Variants in TRAF3IP1 observed in about 807,000 individuals in gnomAD.
TRAF3IP1 encodes TRAF3-interacting protein 1.
TRAF3IP1 carries 53 observed loss-of-function variants against 89.9 expected under a neutral mutation model. That is an observed-to-expected ratio of 0.59 (90% CI 0.47 to 0.74). The LOEUF (loss-of-function observed/expected upper bound fraction) is 0.74. Ranked by LOEUF, TRAF3IP1 falls within the 30% of genes least tolerant of loss-of-function variation. The probability of loss-of-function intolerance (pLI) is 0.00; values close to 1 mark genes in which losing one functional copy is unlikely to be tolerated. For synonymous variants in TRAF3IP1, 311 were observed against 322.1 expected, an observed-to-expected ratio of 0.97 and a Z score of 0.37; for missense variants, 806 against 866.1, an observed-to-expected ratio of 0.93 and a Z score of 0.87.
At chr2:238,341,741 A>C (rs1222718206) in intron 8 of TRAF3IP1, among the ~76,000 whole-genome samples, 1 of 152,118 alleles carries the variant, frequency 6.6e-6, no homozygotes, top group Non-Finnish European at 1.5e-5. Flanking sequence ...ACAAGATCTC[A>C]TTTGACTCAG....
intron 13 of TRAF3IP1, 77 bp from the exon 14 acceptor site, chr2:238,353,096 T>C (rs755748345): frequency 5.7e-6 from 9 of 1,585,536 alleles, no homozygotes; most frequent in Non-Finnish European, 6.9e-6. Context: ...TTGTTCTTTT[T>C]TTGAGATCCA....
Position 238,347,478 on chromosome 2 carries a change from G to A in TRAF3IP1, c.1282+3G>A, listed in dbSNP as rs781019442. On this transcript the variant is annotated splice_donor_region_variant and intron_variant, in intron 10 of 16. Transcript: ENST00000373327. ...AGGTGACTCCACCAGTGATGCAGGT[G>A]AGGAATGGCCTTAGATACCTGTGTG... The A allele has an allele frequency of 1.2e-6, 2 of 1,614,114 alleles. No homozygotes were observed. The highest frequency in any genetic ancestry group is 1.7e-6 in the Non-Finnish European group (2 of 1,180,010).
In TRAF3IP1 at chr2:238,358,594, G is replaced by A. The variant is rs148331990; in HGVS notation, c.1689+2514G>A. 9.8e-4 allele frequency among the ~76,000 whole-genome samples: 150 copies of A among 152,292 alleles called. 1 individual carries two copies. The highest frequency in any genetic ancestry group is 3.6e-3 in the Admixed American group (55 of 15,298). On this transcript the variant is annotated intron_variant, in intron 15 of 16. Transcript: ENST00000373327. ...CCCCCTGCCCCAGTCCTGTTCCCCC[G>A]AGGGCAGTCCCCAGGATGAACTTGG... is the stretch of plus-strand genomic sequence containing the variant.
At chr2:238,349,889 G>A (rs1251861449) in intron 12 of TRAF3IP1, among the ~76,000 whole-genome samples, 1 of 152,154 alleles carries the variant, frequency 6.6e-6, no homozygotes, top group Non-Finnish European at 1.5e-5. Flanking sequence ...GGCCAATGTG[G>A]TGAAACCCCC....
In TRAF3IP1 at chr2:238,400,492, T is replaced by C. The variant is rs1405942833; in HGVS notation, c.*1573T>C. ...CTGTACTCAGGTTGTTATATGATTT[T>C]CTGAGCTGAATAAGTTCAGGAGCAG... On this transcript the variant is annotated 3_prime_UTR_variant, in exon 17 of 17. Transcript: ENST00000373327. The C allele has an allele frequency of 6.6e-6, 1 of 152,242 alleles. No individual in the cohort carries two copies. The highest frequency in any genetic ancestry group is 2.4e-5 in the African/African-American group (1 of 41,460). 9.4% of individuals were successfully genotyped at this position (152,242 alleles called of 1,614,324 possible).
In TRAF3IP1 at chr2:238,332,855, T is replaced by G; in HGVS notation, c.947T>G (p.Leu316Ter). 2 of 1,613,530 alleles carry G rather than the reference T, an allele frequency of 1.2e-6. No homozygotes were observed. Among genetic ancestry groups the G allele is most frequent in the Non-Finnish European group, 1.7e-6 (2 of 1,179,632 alleles). The change falls in exon 6 of 17, where the codon TTA becomes TGA. Residue 316 changes from leucine (L) to a stop codon, truncating the protein, a stop_gained. Transcript: ENST00000373327. LOFTEE classifies it high-confidence loss of function. ...SASSGEMSKKLSDGTFKDSKA... is the reference protein window; with the variant it reads ...SASSGEMSKK ...AGCTCAGGGGAGATGTCTAAAAAGTTATCAGATGGAACTTTTAAAGACTCC... is the reference window on the plus strand; with the variant it reads ...AGCTCAGGGGAGATGTCTAAAAAGTGATCAGATGGAACTTTTAAAGACTCC...
chr2:238,378,529 A>C (rs558623700), intron 15 of TRAF3IP1, among the ~76,000 whole-genome samples: 4 of 152,342 alleles, frequency 2.6e-5, no homozygotes, highest in Non-Finnish European at 4.4e-5. Context: ...TCTATTATTT[A>C]CCCAATATAA....
rs776659445 is a variant in TRAF3IP1, at chr2:238,334,054, A to G, written c.1063+19A>G. On this transcript the variant is annotated intron_variant, in intron 7 of 16. Transcript: ENST00000373327. ...GTGGAAGGTACTGCAAAACTTATAT[A>G]TGTAGCTGAAAATATGGATATTAGT... 15 of 1,566,220 alleles carry G rather than the reference A, an allele frequency of 9.6e-6. 1 individual carries two copies. The highest frequency in any genetic ancestry group is 1.7e-4 in the Middle Eastern group (1 of 5,934).
chr2:238,343,811 T>C (rs6754014), intron 8 of TRAF3IP1, among the ~76,000 whole-genome samples: 108,759 of 151,802 alleles, frequency 0.72, 39,122 homozygotes, highest in Middle Eastern at 0.77. Flanking sequence ...GTAACCATGC[T>C]TGGCTAGCTT....
At chr2:238,389,967 C>G (rs541308658) in intron 15 of TRAF3IP1, among the ~76,000 whole-genome samples, 12 of 152,066 alleles carry the variant, frequency 7.9e-5, no homozygotes, top group African/African-American at 2.7e-4. Context: ...AATAACTGTT[C>G]GCTTGAGAAA....
At chr2:238,349,303 G>C in intron 11 of TRAF3IP1, 22 bp from the exon 12 acceptor site, 1 of 1,609,116 alleles carries the variant, frequency 6.2e-7, no homozygotes, top group Non-Finnish European at 8.5e-7. Flanking sequence ...TCCTTTTTTG[G>C]TTTTCCAATA....
intron 9 of TRAF3IP1, 83 bp downstream of exon 9, chr2:238,344,681 G>A (rs766511114): frequency 1.4e-5 from 17 of 1,220,282 alleles, no homozygotes; most frequent in South Asian, 9.8e-5. Context: ...CCGCAGCCCA[G>A]AGCCCGAGGT....
intron 15 of TRAF3IP1, among the ~76,000 whole-genome samples, chr2:238,381,063 G>A (rs780983626): frequency 6.6e-6 from 1 of 150,606 alleles, no homozygotes; most frequent in Non-Finnish European, 1.5e-5. Flanking sequence ...TTACAGAATA[G>A]CAACTATTTT....
chr2:238,370,010 C>T (rs1700040020), intron 15 of TRAF3IP1, among the ~76,000 whole-genome samples: 1 of 152,176 alleles, frequency 6.6e-6, no homozygotes. Flanking sequence ...CTGGCTCATC[C>T]TGTTCTTTCC....
At position 238,320,896 on chromosome 2, in the gene TRAF3IP1, GC is replaced by G. The variant is rs1439584978; in HGVS notation, c.123+112del. On this transcript the variant is annotated intron_variant, in intron 1 of 16. Transcript: ENST00000373327. Reference sequence around the variant, plus strand: ...GTGCGAGCCGGGCTCGGGCTCAGGTGCGGGTCGGGGGCCGGGGCTGGGCCGG... The same window carrying G: ...GTGCGAGCCGGGCTCGGGCTCAGGTGGGGTCGGGGGCCGGGGCTGGGCCGG... 3 of 979,556 alleles carry G rather than the reference GC, an allele frequency of 3.1e-6. No homozygotes were observed. In the South Asian group the frequency reaches 1.4e-4, roughly 45 times the overall value. The allele number at this position is 979,556 out of a possible 1,614,324, so 60.7% of individuals were successfully genotyped here.
chr2:238,336,212 T>C (rs1012156905), intron 7 of TRAF3IP1, among the ~76,000 whole-genome samples: 1 of 152,228 alleles, frequency 6.6e-6, no homozygotes, highest in Non-Finnish European at 1.5e-5. Context: ...TGTTTACTGG[T>C]GAGCTTGTGC....
At chr2:238,395,198 T>A (rs1701155989) in intron 15 of TRAF3IP1, among the ~76,000 whole-genome samples, 1 of 152,082 alleles carries the variant, frequency 6.6e-6, no homozygotes, top group Admixed American at 6.6e-5. Flanking sequence ...AGACCCTGGC[T>A]GTAAAGAAAG....
chr2:238,339,554 G>A (rs889802141), intron 8 of TRAF3IP1, among the ~76,000 whole-genome samples: 19 of 152,238 alleles, frequency 1.2e-4, no homozygotes, highest in African/African-American at 4.6e-4. Context: ...CCCCCACCCA[G>A]CTAGCTAGGA....
chr2:238,333,504 G>T (rs1698229609), intron 6 of TRAF3IP1, among the ~76,000 whole-genome samples: 1 of 152,192 alleles, frequency 6.6e-6, no homozygotes, highest in Admixed American at 6.5e-5. Flanking sequence ...CCAGTTAGGG[G>T]AGAGAGGTGG....
Sources: allele counts gnomAD v4.1 joint callset (sites outside exome capture counted in the v4.1 genomes callset), GRCh38; gene constraint gnomAD v4.1.1; transcripts MANE v1.5; gene names NCBI Gene and HGNC (gene_info 2026-07-23, HGNC 2026-07-21).